The following WDR91 variants were observed in gnomAD, a reference collection of about 807,000 sequenced individuals.
WDR91 encodes WD repeat domain 91, also known as WD repeat-containing protein 91.
Under a neutral mutation model 88.4 loss-of-function variants are expected in WDR91, and 52 were observed. That is an observed-to-expected ratio of 0.59 (90% CI 0.47 to 0.74). WDR91 has a LOEUF of 0.74. Ranked by LOEUF, WDR91 falls within the 30% of genes least tolerant of loss-of-function variation. WDR91 has a pLI of 0.00. For missense variants in WDR91, 824 were observed against 954.5 expected (o/e 0.86, Z 1.80); for synonymous variants, 362 against 389.5 (o/e 0.93, Z 0.83).
At chr7:135,195,818 G>T (rs760992391) in intron 8 of WDR91, among the ~76,000 whole-genome samples, 1 of 152,116 alleles carries the variant, frequency 6.6e-6, no homozygotes, top group Admixed American at 6.5e-5. Flanking sequence ...GTGGTGGCAG[G>T]CATCTGTAAT....
In WDR91 at chr7:135,186,732, G is replaced by A. The variant is rs548086302; in HGVS notation, c.2079+240C>T. Among the ~76,000 whole-genome samples the A allele has an allele frequency of 1.4e-4, 21 of 152,346 alleles. No individual in the cohort carries two copies. In the South Asian group the frequency reaches 2.5e-3, roughly 18 times the overall value. ...GGGCCTCGGGCAGCTCTCTCCTGCC[G>A]GGGGGCCAGCCTGCCACACCCAGAA... is the stretch of plus-strand genomic sequence containing the variant. On this transcript the variant is annotated intron_variant, in intron 14 of 14. Transcript: ENST00000354475.
intron 5 of WDR91, among the ~76,000 whole-genome samples, chr7:135,205,583 C>A (rs1831737880): frequency 6.6e-6 from 1 of 152,144 alleles, no homozygotes; most frequent in Non-Finnish European, 1.5e-5. Context: ...ACGATGAAAT[C>A]CCATCTCTAC....
chr7:135,199,529 G>A (rs570921468), intron 6 of WDR91: 1 of 152,190 alleles, frequency 6.6e-6, no homozygotes, highest in East Asian at 1.9e-4. Context: ...CTGGGGAGGT[G>A]GTAGGCAGTT....
chr7:135,198,072 C>G lies in WDR91; in HGVS notation c.971G>C (p.Gly324Ala). The change falls in exon 7 of 15, where the codon GGT (glycine) becomes GCT (alanine). Residue 324 changes from glycine to alanine, a missense_variant. Transcript: ENST00000354475. ...GCGCCGCTGCCGGTGCTGTGACCAA[C>G]CGGACTCCCCAGTGGCCAGCCCGCT... ...LLSGLATGES[G>A]WSQHRQRRLQ... The G allele has an allele frequency of 6.2e-7, 1 of 1,614,176 alleles. No homozygotes were observed. Among genetic ancestry groups the G allele is most frequent in the South Asian group, 1.1e-5 (1 of 91,078 alleles).
intron 8 of WDR91, among the ~76,000 whole-genome samples, chr7:135,195,333 A>G (rs79238900): frequency 0.024 from 3,697 of 152,340 alleles, 192 homozygotes; most frequent in East Asian, 0.14. Context: ...GCCGTGAGCA[A>G]GAGTTGCAGG....
intron 1 of WDR91, chr7:135,210,802 T>C (rs1349550105): frequency 1.4e-6 from 1 of 703,544 alleles, no homozygotes; most frequent in Non-Finnish European, 2.6e-6. Flanking sequence ...CACACAAACA[T>C]ACAAATCACA....
At chr7:135,203,472 C>T (rs999539819) in intron 6 of WDR91, among the ~76,000 whole-genome samples, 2 of 152,176 alleles carry the variant, frequency 1.3e-5, no homozygotes, top group African/African-American at 4.8e-5. Context: ...GCTAGTTAAA[C>T]TAGTCAGTGG....
chr7:135,205,647 C>T (rs1414456252), intron 5 of WDR91, among the ~76,000 whole-genome samples: 1 of 152,242 alleles, frequency 6.6e-6, no homozygotes, highest in Non-Finnish European at 1.5e-5. Context: ...GTAATCCCAG[C>T]TACTTGGGAG....
chr7:135,196,338 C>T lies in WDR91; in HGVS notation c.1051-1G>A. 6.5e-7 allele frequency: 1 copy of T among 1,534,198 alleles called. No homozygotes were observed. Among genetic ancestry groups the T allele is most frequent in the Non-Finnish European group, 8.8e-7 (1 of 1,139,350 alleles). On this transcript the variant is annotated splice_acceptor_variant, in intron 7 of 14. Transcript: ENST00000354475. LOFTEE classifies it high-confidence loss of function. This position sits in a 1 kb window ranked among gnomAD's most constrained non-coding sequence, Gnocchi z 4.2. ...TGGCTTCTGGTTTCTTCTCTGCACACTGTCACAAGCAGGGTGGGGACAAGT... is the reference window on the plus strand; with the variant it reads ...TGGCTTCTGGTTTCTTCTCTGCACATTGTCACAAGCAGGGTGGGGACAAGT...
Position 135,193,293 on chromosome 7 carries a change from T to C in WDR91, c.1597A>G (p.Lys533Glu). 1 of 1,614,192 alleles carries C rather than the reference T, an allele frequency of 6.2e-7. No individual in the cohort carries two copies. The highest frequency in any genetic ancestry group is 1.3e-5 in the African/African-American group (1 of 75,044). Residue 533 changes from lysine (K) to glutamate (E), a missense_variant, in exon 11 of 15, where the codon AAG becomes GAG. Lys to Glu is a moderately conservative substitution (Grantham distance 56). Transcript: ENST00000354475. Reference protein sequence around the residue: ...VDFSAPDIGSKGMNQVPGRLL... With the variant: ...VDFSAPDIGSEGMNQVPGRLL... ...CTGCCAGGAACCTGGTTCATGCCCTTGCTGCCGATGTCTGGTGCTGAGAAG... is the reference window on the plus strand; with the variant it reads ...CTGCCAGGAACCTGGTTCATGCCCTCGCTGCCGATGTCTGGTGCTGAGAAG...
At chr7:135,203,071 T>G (rs933889047) in intron 6 of WDR91, among the ~76,000 whole-genome samples, 11 of 152,172 alleles carry the variant, frequency 7.2e-5, no homozygotes, top group African/African-American at 2.7e-4. Flanking sequence ...TAAATACTAT[T>G]ATTATCATCC....
intron 1 of WDR91, 75 bp from the exon 2 acceptor site, chr7:135,209,830 C>G: frequency 7.6e-7 from 1 of 1,321,026 alleles, no homozygotes; most frequent in Non-Finnish European, 1.0e-6. Context: ...AAAGCTTTTT[C>G]CTCTTGTCAT....
intron 7 of WDR91, chr7:135,197,238 T>G (rs1369580678): frequency 1.3e-5 from 2 of 152,234 alleles, no homozygotes; most frequent in Non-Finnish European, 2.9e-5. Context: ...ATGCCAGAAC[T>G]TATGATCTGA....
At position 135,188,342 on chromosome 7, in the gene WDR91, G is replaced by T. The variant is rs941081248; in HGVS notation, c.1881+91C>A. 9.0e-6 allele frequency: 9 copies of T among 994,566 alleles called. No individual in the cohort carries two copies. In the African/African-American group the frequency reaches 1.3e-4, roughly 14 times the overall value. 61.6% of individuals were successfully genotyped at this position (994,566 alleles called of 1,614,324 possible). A position where few individuals can be genotyped will look rare whatever the true frequency, so the allele number is the denominator to read the frequency against. Reference sequence around the variant, plus strand: ...ACAAAGCTGCAAAAAGAGGCCCCAGGTTGCAGAGCTAGTAACAGGTATGGC... The same window carrying T: ...ACAAAGCTGCAAAAAGAGGCCCCAGTTTGCAGAGCTAGTAACAGGTATGGC... On this transcript the variant is annotated intron_variant, in intron 13 of 14. Coordinates refer to ENST00000354475, the MANE Select transcript of WDR91 (RefSeq NM_014149.4).
chr7:135,198,212 G>T, intron 6 of WDR91, 61 bp from the exon 7 acceptor site: 1 of 1,566,908 alleles, frequency 6.4e-7, no homozygotes, highest in Non-Finnish European at 8.6e-7. Context: ...TGATAAGCAT[G>T]CCAGGAGTGG....
rs541663474 is a variant in WDR91, at chr7:135,210,078, C to T, written c.124-323G>A. On this transcript the variant is annotated intron_variant, in intron 1 of 14. Transcript: ENST00000354475. ...TTGGCAGTGTCATCAGGCCAGGCAC[C>T]GTGGCTCACGCCTGTAATCCCAGCA... 7.0e-4 allele frequency among the ~76,000 whole-genome samples: 107 copies of T among 152,204 alleles called. 4 individuals are homozygous for T. The South Asian group carries it at 0.021, about 30-fold the overall frequency.
At chr7:135,211,289 C>G in intron 1 of WDR91, 91 bp downstream of exon 1, 1 of 1,481,912 alleles carries the variant, frequency 6.7e-7, no homozygotes, top group South Asian at 1.3e-5. Context: ...GTGACAGCGC[C>G]GCTCTCGCCC....
intron 1 of WDR91, chr7:135,210,982 G>A: frequency 1.4e-6 from 1 of 696,130 alleles, no homozygotes; most frequent in South Asian, 1.5e-5. Context: ...CGCAGCTAAC[G>A]TTTTGGACTG....
chr7:135,203,375 GTAACTAATAAT>G (rs768879864), intron 6 of WDR91, among the ~76,000 whole-genome samples: 44 of 152,300 alleles, frequency 2.9e-4, no homozygotes, highest in Middle Eastern at 6.8e-3. Context: ...TATTTTATCT[GTAACTAATAAT>G]ACACTCAAAG....
Sources: gnomAD v4.1 joint callset for allele counts (sites outside exome capture counted in the v4.1 genomes callset) on GRCh38, gnomAD v4.1.1 for gene constraint, Gnocchi (gnomAD v3.1) non-coding constraint, MANE v1.5 for transcripts, NCBI Gene and HGNC (gene_info 2026-07-23, HGNC 2026-07-21) for gene names.